The following MALRD1 variants were observed in gnomAD, a reference collection of about 807,000 sequenced individuals.
MALRD1 encodes the protein MAM and LDL receptor class A domain containing 1, also known as MAM and LDL-receptor class A domain-containing protein 1.
A neutral mutation model predicts 242.1 loss-of-function variants in MALRD1; 247 were observed. The ratio of observed to expected loss-of-function variants is 1.02; its 90% CI spans 0.92 to 1.13. The LOEUF (loss-of-function observed/expected upper bound fraction) is 1.13. Ranked by LOEUF, MALRD1 falls within the 50% of genes most tolerant of loss-of-function variation. MALRD1 has a pLI of 0.00. For missense variants in MALRD1, 2,989 were observed against 2,533.1 expected (o/e 1.18, Z -3.86); for synonymous variants, 995 against 866.6 (o/e 1.15, Z -2.60).
chr10:19,420,394 A>G (rs1398248765), intron 28 of MALRD1, among the ~76,000 whole-genome samples: 2 of 152,200 alleles, frequency 1.3e-5, no homozygotes, highest in Admixed American at 6.5e-5. Context: ...ACATACTGAC[A>G]TATTGATTCT....
chr10:19,215,708 C>A (rs912317099), intron 18 of MALRD1, among the ~76,000 whole-genome samples: 1 of 151,454 alleles, frequency 6.6e-6, no homozygotes, highest in African/African-American at 2.4e-5. Context: ...CCTGTGCAGA[C>A]GTGCTATAAT....
chr10:19,572,869 G>C (rs61841425), intron 33 of MALRD1, among the ~76,000 whole-genome samples: 10,981 of 152,180 alleles, frequency 0.072, 403 homozygotes, highest in South Asian at 0.1. Flanking sequence ...GAGTGGAGCA[G>C]CTTCTCCCCA....
intron 9 of MALRD1, among the ~76,000 whole-genome samples, chr10:19,134,254 G>A (rs2131407008): frequency 6.6e-6 from 1 of 152,246 alleles, no homozygotes; most frequent in South Asian, 2.1e-4. Flanking sequence ...TATGAAGTAG[G>A]TAAATAGTAA....
At chr10:19,691,707 C>T (rs549768603) in intron 36 of MALRD1, among the ~76,000 whole-genome samples, 3 of 152,230 alleles carry the variant, frequency 2.0e-5, no homozygotes, top group East Asian at 3.9e-4. Flanking sequence ...TCATCATGTA[C>T]ATCCCTAAAT....
intron 2 of MALRD1, among the ~76,000 whole-genome samples, chr10:19,071,797 A>G (rs1350989627): frequency 3.3e-5 from 5 of 152,150 alleles, no homozygotes; most frequent in Non-Finnish European, 7.4e-5. Flanking sequence ...CAAGAATCCC[A>G]CATTCTCACT....
chr10:19,344,408 C>G (rs1301501303), intron 24 of MALRD1, among the ~76,000 whole-genome samples: 2 of 152,042 alleles, frequency 1.3e-5, no homozygotes, highest in Non-Finnish European at 2.9e-5. Flanking sequence ...ATTGACAAGA[C>G]TGTCCTACTT....
intron 8 of MALRD1, 100 bp from the exon 9 acceptor site, chr10:19,133,756 G>A (rs1833208463): frequency 8.9e-6 from 4 of 448,012 alleles, no homozygotes; most frequent in Non-Finnish European, 1.5e-5. Context: ...ATATCATACA[G>A]GTAAGGTAAT....
intron 26 of MALRD1, among the ~76,000 whole-genome samples, chr10:19,371,600 C>T (rs1845382244): frequency 6.6e-6 from 1 of 152,070 alleles, no homozygotes; most frequent in African/African-American, 2.4e-5. Context: ...CCTACTTGGT[C>T]AGAATCTATT....
intron 18 of MALRD1, among the ~76,000 whole-genome samples, chr10:19,255,451 A>G (rs1269473404): frequency 1.3e-5 from 2 of 152,042 alleles, no homozygotes; most frequent in Admixed American, 6.6e-5. Context: ...CTACTATTTT[A>G]GAATAATTTA....
chr10:19,426,641 A>G (rs1833913592), intron 28 of MALRD1, among the ~76,000 whole-genome samples: 1 of 152,088 alleles, frequency 6.6e-6, no homozygotes, highest in Non-Finnish European at 1.5e-5. Flanking sequence ...GTCTCTACTA[A>G]AAACACAAAA....
At chr10:19,357,401 C>A (rs569234672) in intron 26 of MALRD1, among the ~76,000 whole-genome samples, 38 of 151,830 alleles carry the variant, frequency 2.5e-4, no homozygotes, top group Admixed American at 1.4e-3. Context: ...TTTACATTAT[C>A]CTGTATTTTT....
At chr10:19,139,708 T>A (rs1450473907) in intron 10 of MALRD1, among the ~76,000 whole-genome samples, 1 of 152,122 alleles carries the variant, frequency 6.6e-6, no homozygotes, top group African/African-American at 2.4e-5. Context: ...AATCAGTTAA[T>A]AAAAACGGCC....
At chr10:19,075,550 C>G (rs1400088291) in intron 2 of MALRD1, among the ~76,000 whole-genome samples, 1 of 152,034 alleles carries the variant, frequency 6.6e-6, no homozygotes, top group Non-Finnish European at 1.5e-5. Flanking sequence ...AGAACAATCA[C>G]TGGTTAACAG....
intron 36 of MALRD1, among the ~76,000 whole-genome samples, chr10:19,672,155 G>A (rs1447891494): frequency 6.6e-6 from 1 of 151,942 alleles, no homozygotes; most frequent in African/African-American, 2.4e-5. Context: ...CTTCACAGGT[G>A]TTACACATTA....
intron 7 of MALRD1, among the ~76,000 whole-genome samples, chr10:19,126,259 C>T (rs1483713298): frequency 1.3e-5 from 2 of 152,068 alleles, no homozygotes; most frequent in Non-Finnish European, 2.9e-5. Context: ...TCAGAATGCA[C>T]ATATATCATC....
intron 26 of MALRD1, among the ~76,000 whole-genome samples, chr10:19,372,707 T>A (rs4511193): frequency 0.78 from 119,045 of 151,926 alleles, 47,140 homozygotes; most frequent in African/African-American, 0.88. Flanking sequence ...AACTCAAGTG[T>A]TCCACCTGCC....
chr10:19,597,503 A>T (rs1838153134), intron 34 of MALRD1, among the ~76,000 whole-genome samples: 1 of 152,210 alleles, frequency 6.6e-6, no homozygotes, highest in African/African-American at 2.4e-5. Flanking sequence ...GCCACAATTC[A>T]CCAAACATTT....
At chr10:19,379,575 TTG>T (rs934365319) in intron 26 of MALRD1, among the ~76,000 whole-genome samples, 44 of 152,286 alleles carry the variant, frequency 2.9e-4, no homozygotes, top group African/African-American at 1.0e-3. Flanking sequence ...TGTCAAATAT[TTG>T]TGTGATTTTT....
intron 34 of MALRD1, among the ~76,000 whole-genome samples, chr10:19,606,397 G>A (rs1473429804): frequency 6.6e-6 from 1 of 152,102 alleles, no homozygotes; most frequent in Non-Finnish European, 1.5e-5. Flanking sequence ...GTAAATCAGA[G>A]GAAAACAAAG....
Sources: allele counts gnomAD v4.1 joint callset (sites outside exome capture counted in the v4.1 genomes callset), GRCh38; gene constraint gnomAD v4.1.1; transcripts MANE v1.5; gene names NCBI Gene and HGNC (gene_info 2026-07-23, HGNC 2026-07-21).